LATS2: variants seen among roughly 807,000 people sequenced by gnomAD.
The protein encoded by LATS2 is large tumor suppressor kinase 2, also known as serine/threonine-protein kinase LATS2.
A neutral mutation model predicts 76.0 loss-of-function variants in LATS2; 24 were observed. The ratio of observed to expected loss-of-function variants is 0.32; its 90% CI spans 0.23 to 0.44. The LOEUF is 0.44. LATS2 is among the 20% of genes least tolerant of loss of function. The pLI, the probability that LATS2 is intolerant of heterozygous loss-of-function variation, is 1.00. For synonymous variants in LATS2, 692 were observed against 635.4 expected (o/e 1.09, Z -1.34); for missense variants, 1,286 against 1,481.2 (o/e 0.87, Z 2.16).
chr13:20,975,996 T>C (rs944201573), intron 7 of LATS2, among the ~76,000 whole-genome samples: 2 of 152,164 alleles, frequency 1.3e-5, no homozygotes, highest in Non-Finnish European at 2.9e-5. Context: ...CAAATACTTA[T>C]TGCGGTCAAA....
chr13:20,998,641 G>A (rs1870873024), intron 2 of LATS2, among the ~76,000 whole-genome samples: 1 of 152,216 alleles, frequency 6.6e-6, no homozygotes, highest in Admixed American at 6.5e-5. Flanking sequence ...GGCCCTCCGG[G>A]CCCAGGCCTC....
intron 2 of LATS2, among the ~76,000 whole-genome samples, chr13:21,041,120 C>T (rs949528917): frequency 1.3e-5 from 2 of 152,098 alleles, no homozygotes; most frequent in African/African-American, 4.8e-5. Flanking sequence ...CTACAGGCGC[C>T]CGCCACCATG....
Position 20,973,315 on chromosome 13 carries a change from G to A in LATS2, c.*1555C>T, listed in dbSNP as rs1869422264. ...AGTTTAAACACTGATAAACTTCTAAGTGTTGTTGCCTAGATATATACTAAG... is the reference window on the plus strand; with the variant it reads ...AGTTTAAACACTGATAAACTTCTAAATGTTGTTGCCTAGATATATACTAAG... On this transcript the variant is annotated 3_prime_UTR_variant, in exon 8 of 8. Transcript: ENST00000382592. The A allele has an allele frequency of 4.3e-6, 1 of 231,116 alleles. No homozygotes were observed. The highest frequency in any genetic ancestry group is 2.2e-5 in the African/African-American group (1 of 45,232). 14.3% of individuals were successfully genotyped at this position (231,116 alleles called of 1,614,324 possible).
chr13:21,052,749 G>C (rs1021684199), intron 1 of LATS2, among the ~76,000 whole-genome samples: 1 of 151,948 alleles, frequency 6.6e-6, no homozygotes, highest in Non-Finnish European at 1.5e-5. Flanking sequence ...GAGAAGAAAA[G>C]CTTAAGTCTT....
At chr13:20,995,205 GA>G (rs1375143891) in intron 2 of LATS2, among the ~76,000 whole-genome samples, 3 of 150,766 alleles carry the variant, frequency 2.0e-5, no homozygotes, top group Non-Finnish European at 3.0e-5. Context: ...GTGTTTCTGG[GA>G]AAAAAAAACA....
At chr13:21,059,521 A>G (rs1264259169) in intron 1 of LATS2, among the ~76,000 whole-genome samples, 1 of 152,018 alleles carries the variant, frequency 6.6e-6, no homozygotes. Context: ...GCTTGAACCC[A>G]GGAGGCGAGG....
Position 20,974,814 on chromosome 13 carries a change from C to A in LATS2, c.*56G>T. ...CTTCCCTATTGGCCTGTGAGGGCAC[C>A]GGCTCCGGGACCCTGACCTGGGAGG... On this transcript the variant is annotated 3_prime_UTR_variant, in exon 8 of 8. Coordinates refer to ENST00000382592, the MANE Select transcript of LATS2 (RefSeq NM_014572.3). 1 of 1,537,314 alleles carries A rather than the reference C, an allele frequency of 6.5e-7. No homozygotes were observed. The highest frequency in any genetic ancestry group is 8.7e-7 in the Non-Finnish European group (1 of 1,145,000).
At position 20,988,187 on chromosome 13, in the gene LATS2, G is replaced by C; in HGVS notation, c.1593C>G (p.Tyr531Ter). ...HLLLRSKSEQYDLDSLCAGME... is the reference protein window; with the variant it reads ...HLLLRSKSEQ ...TGCCTGCGCACAGGCTGTCCAGGTC[G>C]TACTGCTCCGACTTGCTGCGCAGCA... is the stretch of plus-strand genomic sequence containing the variant. The change falls in exon 4 of 8, where the codon TAC becomes TAG. Residue 531 changes from tyrosine (Y) to a stop codon, truncating the protein, a stop_gained. Transcript: ENST00000382592. LOFTEE classifies it high-confidence loss of function. 6.2e-7 allele frequency: 1 copy of C among 1,613,156 alleles called. No homozygotes were observed. The highest frequency in any genetic ancestry group is 8.5e-7 in the Non-Finnish European group (1 of 1,179,862).
intron 4 of LATS2, among the ~76,000 whole-genome samples, chr13:20,985,602 G>A (rs1870105533): frequency 6.6e-6 from 1 of 152,038 alleles, no homozygotes; most frequent in Non-Finnish European, 1.5e-5. Context: ...AGCTGAGCAT[G>A]GTGTCGCACA....
rs956051223 is a variant in LATS2, at chr13:20,973,370, G to A, written c.*1500C>T. ...GGATACATTATGCTAAGAACTTCAA[G>A]GAAAAATATGTGGAATAATATAATG... On this transcript the variant is annotated 3_prime_UTR_variant, in exon 8 of 8. Transcript: ENST00000382592. 1.3e-4 allele frequency: 31 copies of A among 230,494 alleles called. No homozygotes were observed. Among genetic ancestry groups the A allele is most frequent in the Middle Eastern group, 1.3e-3 (1 of 786 alleles). The allele number at this position is 230,494 out of a possible 1,614,324, so 14.3% of individuals were successfully genotyped here.
chr13:21,038,158 C>T (rs1229958331), intron 2 of LATS2, among the ~76,000 whole-genome samples: 3 of 151,756 alleles, frequency 2.0e-5, no homozygotes, highest in South Asian at 2.1e-4. Flanking sequence ...CAGGGAAGGC[C>T]GGAGAAAGAC....
chr13:20,983,924 G>C, intron 4 of LATS2, 118 bp from the exon 5 acceptor site: 1 of 749,398 alleles, frequency 1.3e-6, no homozygotes, highest in Non-Finnish European at 2.2e-6. Context: ...ACAGAAAGGA[G>C]AACAGAGAAG....
chr13:21,047,339 G>A (rs1565965528), intron 1 of LATS2, among the ~76,000 whole-genome samples: 1 of 152,154 alleles, frequency 6.6e-6, no homozygotes, highest in South Asian at 2.1e-4. Flanking sequence ...AAGGGTACCA[G>A]GCCCTGCAGT....
In LATS2 at chr13:20,991,529, G is replaced by C; in HGVS notation, c.343-125C>G. On this transcript the variant is annotated intron_variant, in intron 2 of 7. Coordinates refer to ENST00000382592, the MANE Select transcript of LATS2 (RefSeq NM_014572.3). This position sits in a 1 kb window ranked among gnomAD's most constrained non-coding sequence, Gnocchi z 4.9. The stretch of plus-strand genomic sequence containing the variant: ...CGCCTCTGTACTGCTGAGAACCTGC[G>C]ATATGCTGCAGGAGACCCTCAGAAT... 1 of 1,070,270 alleles carries C rather than the reference G, an allele frequency of 9.3e-7. No homozygotes were observed. The highest frequency in any genetic ancestry group is 1.4e-6 in the Non-Finnish European group (1 of 738,928). The allele number at this position is 1,070,270 out of a possible 1,614,324, so 66.3% of individuals were successfully genotyped here.
chr13:21,040,578 G>C (rs1400879817), intron 2 of LATS2, among the ~76,000 whole-genome samples: 1 of 152,160 alleles, frequency 6.6e-6, no homozygotes, highest in African/African-American at 2.4e-5. Flanking sequence ...GAGACCCAAA[G>C]TAAGCAAGCG....
Position 21,049,877 on chromosome 13 carries a change from T to C in LATS2, c.-204-3647A>G, listed in dbSNP as rs181962933. 3.7e-4 allele frequency among the ~76,000 whole-genome samples: 56 copies of C among 152,110 alleles called. 2 individuals are homozygous for C. The highest frequency in any genetic ancestry group is 2.8e-3 in the Admixed American group (43 of 15,266). On this transcript the variant is annotated intron_variant, in intron 1 of 7. Coordinates refer to ENST00000382592, the MANE Select transcript of LATS2 (RefSeq NM_014572.3). ...GGCTCATGCCTATAATCCCAGCTCT[T>C]TCGGATGCCGAGGCAGGCAGATCAC...
intron 2 of LATS2, among the ~76,000 whole-genome samples, chr13:21,020,013 C>G (rs1871989163): frequency 6.6e-6 from 1 of 151,050 alleles, no homozygotes; most frequent in Non-Finnish European, 1.5e-5. Context: ...TTTGTCTTCT[C>G]ATTGGCATAC....
Position 20,989,088 on chromosome 13 carries a change from G to A in LATS2, c.692C>T (p.Pro231Leu). The A allele has an allele frequency of 6.3e-7, 1 of 1,598,176 alleles. No homozygotes were observed. Among genetic ancestry groups the A allele is most frequent in the Non-Finnish European group, 8.5e-7 (1 of 1,174,378 alleles). ...TACGCTGGCACCGTAGCCCTTGGGTGGGTGCTGGTGCTGGTGGCCGGGCCC... is the reference window on the plus strand; with the variant it reads ...TACGCTGGCACCGTAGCCCTTGGGTAGGTGCTGGTGCTGGTGGCCGGGCCC... ...PHGPGHQHQH[P>L]PKGYGASVEA... Residue 231 changes from proline (P) to leucine (L), a missense_variant, in exon 4 of 8, where the codon CCA (proline) becomes CTA (leucine). Pro to Leu is a moderately conservative substitution (Grantham distance 98). Transcript: ENST00000382592.
In LATS2 at chr13:21,026,654, T is replaced by A. The variant is rs189877754; in HGVS notation, c.342+19031A>T. Among the ~76,000 whole-genome samples the A allele has an allele frequency of 1.1e-3, 172 of 152,342 alleles. 1 individual carries two copies. Among genetic ancestry groups the A allele is most frequent in the Middle Eastern group, 0.01 (3 of 294 alleles). Reference sequence around the variant, plus strand: ...GAATGACTGAGACATACGGTAGGTATGTTTGACTTAAATTGTTTTGCCCTG... The same window carrying A: ...GAATGACTGAGACATACGGTAGGTAAGTTTGACTTAAATTGTTTTGCCCTG... On this transcript the variant is annotated intron_variant, in intron 2 of 7. Transcript: ENST00000382592.
Sources: allele counts gnomAD v4.1 joint callset (sites outside exome capture counted in the v4.1 genomes callset), GRCh38; gene constraint gnomAD v4.1.1; non-coding constraint Gnocchi (gnomAD v3.1); transcripts MANE v1.5; gene names NCBI Gene and HGNC (gene_info 2026-07-23, HGNC 2026-07-21).